The following ARHGAP35 variants were observed in gnomAD, a reference collection of about 807,000 sequenced individuals.
ARHGAP35 encodes the protein Rho GTPase activating protein 35, also known as rho GTPase-activating protein 35.
A neutral mutation model predicts 111.1 loss-of-function variants in ARHGAP35; 15 were observed. The observed-to-expected ratio is 0.13, with a 90% CI of 0.09 to 0.21. The LOEUF (loss-of-function observed/expected upper bound fraction) is 0.21. Ranked by LOEUF, ARHGAP35 falls within the 10% of genes least tolerant of loss-of-function variation. The pLI is 1.00. For synonymous variants in ARHGAP35, 643 were observed against 710.3 expected (o/e 0.91, Z 1.51); for missense variants, 1,262 against 1,873.0 (o/e 0.67, Z 6.02).
intron 1 of ARHGAP35, among the ~76,000 whole-genome samples, chr19:46,862,486 T>C (rs1163249598): frequency 6.6e-6 from 1 of 152,032 alleles, no homozygotes; most frequent in African/African-American, 2.4e-5. Context: ...TTAACCTCAC[T>C]ATACCTCTGA....
intron 1 of ARHGAP35, among the ~76,000 whole-genome samples, chr19:46,864,386 A>G (rs1360657534): frequency 2.0e-5 from 3 of 152,192 alleles, no homozygotes; most frequent in Admixed American, 6.5e-5. Context: ...TCTTAAGTAA[A>G]TCAAAAGCCT....
At chr19:46,896,688 G>C (rs1015165933) in intron 1 of ARHGAP35, among the ~76,000 whole-genome samples, 2 of 152,150 alleles carry the variant, frequency 1.3e-5, no homozygotes, top group East Asian at 3.9e-4. Context: ...ATACTAAGCC[G>C]GGTGATCTTG....
intron 2 of ARHGAP35, among the ~76,000 whole-genome samples, chr19:46,929,070 A>G (rs1019382847): frequency 2.0e-5 from 3 of 152,162 alleles, no homozygotes; most frequent in African/African-American, 7.2e-5. Flanking sequence ...GTAAATAAAG[A>G]TGCTCCAAGA....
intron 2 of ARHGAP35, among the ~76,000 whole-genome samples, chr19:46,934,815 G>A (rs1006896614): frequency 1.3e-5 from 2 of 151,906 alleles, no homozygotes; most frequent in Non-Finnish European, 2.9e-5. Context: ...GACTATAGGT[G>A]TGCGCTACCA....
chr19:46,968,718 G>A (rs1056154187), intron 3 of ARHGAP35, among the ~76,000 whole-genome samples: 16 of 152,190 alleles, frequency 1.1e-4, no homozygotes, highest in African/African-American at 1.9e-4. Flanking sequence ...AGGTAAACTA[G>A]TCACACAAGA....
In ARHGAP35 at chr19:46,987,977, G is replaced by T. The variant is rs1194553401; in HGVS notation, c.3827-12G>T. 6.2e-7 allele frequency: 1 copy of T among 1,613,418 alleles called. No homozygotes were observed. Among genetic ancestry groups the T allele is most frequent in the African/African-American group, 1.3e-5 (1 of 74,906 alleles). On this transcript the variant is annotated splice_polypyrimidine_tract_variant and intron_variant, in intron 3 of 6. Coordinates refer to ENST00000672722, the MANE Select transcript of ARHGAP35 (RefSeq NM_004491.5). ...AGTTCCTGCTCCTAAGACCCTGCCTGTTTCTCCTCAGGACTGAGCACGGAA... is the reference window on the plus strand; with the variant it reads ...AGTTCCTGCTCCTAAGACCCTGCCTTTTTCTCCTCAGGACTGAGCACGGAA...
In ARHGAP35 at chr19:47,003,069, G is replaced by GT. The variant is rs1262051069; in HGVS notation, c.*2384dup. The GT allele has an allele frequency of 1.3e-5, 2 of 152,340 alleles. No homozygotes were observed. The highest frequency in any genetic ancestry group is 3.8e-4 in the East Asian group (2 of 5,200). 9.4% of individuals were successfully genotyped at this position (152,340 alleles called of 1,614,324 possible). ...CACAGGAAGCCACAGGGTTCCTCTT[G>GT]TTTCCCCCGCTAACTTCAGCCTCTC... On this transcript the variant is annotated 3_prime_UTR_variant, in exon 7 of 7. Transcript: ENST00000672722.
chr19:46,958,726 C>T (rs2056457601), intron 3 of ARHGAP35, among the ~76,000 whole-genome samples: 1 of 152,188 alleles, frequency 6.6e-6, no homozygotes. Context: ...TGAACCAGTT[C>T]CCACTGTTTG....
intron 1 of ARHGAP35, among the ~76,000 whole-genome samples, chr19:46,869,853 T>G (rs917240984): frequency 3.3e-5 from 5 of 152,094 alleles, no homozygotes; most frequent in African/African-American, 1.2e-4. Context: ...TAGGTCTTTA[T>G]TTTTCAGAAA....
chr19:46,911,133 T>C (rs1465894917), intron 1 of ARHGAP35, among the ~76,000 whole-genome samples: 4 of 152,222 alleles, frequency 2.6e-5, no homozygotes, highest in Admixed American at 2.6e-4. Flanking sequence ...TCCCAAAACA[T>C]GTTTATTGCT....
chr19:46,903,899 G>T (rs114453846), intron 1 of ARHGAP35, among the ~76,000 whole-genome samples: 1 of 150,552 alleles, frequency 6.6e-6, no homozygotes, highest in Non-Finnish European at 1.5e-5. Flanking sequence ...TTTGAAATTC[G>T]CCTTTTTTTT....
chr19:46,959,969 G>C (rs1484546986), intron 3 of ARHGAP35, among the ~76,000 whole-genome samples: 4 of 148,978 alleles, frequency 2.7e-5, no homozygotes, highest in Non-Finnish European at 5.9e-5. Flanking sequence ...AGTTAGCCAT[G>C]CATTGTGGCA....
chr19:46,862,010 C>T (rs2055831713), intron 1 of ARHGAP35, among the ~76,000 whole-genome samples: 1 of 152,196 alleles, frequency 6.6e-6, no homozygotes, highest in Non-Finnish European at 1.5e-5. Context: ...CAGCTCATTC[C>T]CCTGATCCCC....
At position 46,992,991 on chromosome 19, in the gene ARHGAP35, G is replaced by A. The variant is rs1001435937; in HGVS notation, c.4036+3316G>A. 6.6e-5 allele frequency among the ~76,000 whole-genome samples: 10 copies of A among 152,200 alleles called. No homozygotes were observed. The highest frequency in any genetic ancestry group is 2.1e-4 in the South Asian group (1 of 4,824). ...TGTCCACATAGCTGCCCGAGGGCAC[G>A]GGGGTGCTTCTCACACCCACGTACG... On this transcript the variant is annotated intron_variant, in intron 5 of 6. Transcript: ENST00000672722. This position sits in a 1 kb window ranked among gnomAD's most constrained non-coding sequence, Gnocchi z 4.4.
intron 1 of ARHGAP35, among the ~76,000 whole-genome samples, chr19:46,876,193 A>ATT (rs201937445): frequency 1.4e-5 from 2 of 143,178 alleles, no homozygotes; most frequent in African/African-American, 5.1e-5. Flanking sequence ...ACCTGGCTTT[A>ATT]TTTTTTTTTT....
intron 1 of ARHGAP35, among the ~76,000 whole-genome samples, chr19:46,863,297 C>T (rs144335943): frequency 1.3e-5 from 2 of 152,330 alleles, no homozygotes; most frequent in Middle Eastern, 3.4e-3. Flanking sequence ...CCTGAGGGTT[C>T]TCTCCCCAGG....
At chr19:46,909,970 T>A (rs1424571573) in intron 1 of ARHGAP35, among the ~76,000 whole-genome samples, 1 of 151,984 alleles carries the variant, frequency 6.6e-6, no homozygotes, top group Non-Finnish European at 1.5e-5. Flanking sequence ...TTAATTTGCA[T>A]TGGACTGAAA....
In ARHGAP35 at chr19:46,999,027, C is replaced by T; in HGVS notation, c.4037-277C>T. On this transcript the variant is annotated intron_variant, in intron 5 of 6. Transcript: ENST00000672722. The surrounding 1 kb of genome is among the most constrained non-coding windows in gnomAD (Gnocchi z 5.4). Reference sequence around the variant, plus strand: ...TGGTGTTCTTTATGGCGGAGTGTCTCCAGATTGTTCTGTCTTGGGTGGTGG... The same window carrying T: ...TGGTGTTCTTTATGGCGGAGTGTCTTCAGATTGTTCTGTCTTGGGTGGTGG... 4.8e-6 allele frequency: 2 copies of T among 414,426 alleles called. No homozygotes were observed. The highest frequency in any genetic ancestry group is 8.6e-6 in the Non-Finnish European group (2 of 232,594). The allele number at this position is 414,426 out of a possible 1,614,324, so 25.7% of individuals were successfully genotyped here.
chr19:46,897,988 G>T (rs1033037512), intron 1 of ARHGAP35, among the ~76,000 whole-genome samples: 6 of 152,110 alleles, frequency 3.9e-5, no homozygotes, highest in African/African-American at 1.4e-4. Context: ...AGGCAGATAC[G>T]TTACCTAAGA....
Sources: gnomAD v4.1 joint callset for allele counts (sites outside exome capture counted in the v4.1 genomes callset) on GRCh38, gnomAD v4.1.1 for gene constraint, Gnocchi (gnomAD v3.1) non-coding constraint, MANE v1.5 for transcripts, NCBI Gene and HGNC (gene_info 2026-07-23, HGNC 2026-07-21) for gene names.